The following MMP14 variants were observed in gnomAD, a reference collection of about 807,000 sequenced individuals.
MMP14 encodes the protein matrix metallopeptidase 14, also known as matrix metalloproteinase-14.
Under a neutral mutation model 64.8 loss-of-function variants are expected in MMP14, and 13 were observed. That is an observed-to-expected ratio of 0.20 (90% confidence interval 0.13 to 0.32). MMP14 has a LOEUF of 0.32. Ranked by LOEUF, MMP14 falls within the 10% of genes least tolerant of loss-of-function variation. MMP14 has a pLI of 1.00. For synonymous variants in MMP14, 322 were observed against 315.9 expected (o/e 1.02, Z -0.20); for missense variants, 594 against 783.8 (o/e 0.76, Z 2.89).
Position 22,845,830 on chromosome 14 carries a change from C to T in MMP14, c.1540C>T (p.Pro514Ser). ...GATGGGCTGCCCATCGGGAGGCCGG[C>T]CGGATGAGGGGACTGAGGAGGAGAC... ...DWMGCPSGGRPDEGTEEETEV... is the reference protein window; with the variant it reads ...DWMGCPSGGRSDEGTEEETEV... The change falls in exon 10 of 10, where the codon CCG becomes TCG. Residue 514 changes from proline to serine, a missense_variant. Coordinates refer to ENST00000311852, the MANE Select transcript of MMP14 (RefSeq NM_004995.4). 2 of 1,614,176 alleles carry T rather than the reference C, an allele frequency of 1.2e-6. No individual in the cohort carries two copies. The highest frequency in any genetic ancestry group is 1.7e-6 in the Non-Finnish European group (2 of 1,180,042).
rs756070951 is a variant in MMP14, at chr14:22,844,740, T to C, written c.1261T>C (p.Trp421Arg). Residue 421 changes from tryptophan to arginine, a missense_variant, in exon 8 of 10, where the codon TGG becomes CGG. Transcript: ENST00000311852. ...PTDKIDAALF[W>R]MPNGKTYFFR... Reference sequence around the variant, plus strand: ...CGACAAGATTGATGCTGCTCTCTTCTGGATGCCCAATGGAAAGACCTACTT... The same window carrying C: ...CGACAAGATTGATGCTGCTCTCTTCCGGATGCCCAATGGAAAGACCTACTT... The C allele has an allele frequency of 6.2e-7, 1 of 1,614,116 alleles. No individual in the cohort carries two copies. The highest frequency in any genetic ancestry group is 1.7e-5 in the Admixed American group (1 of 60,008).
Position 22,840,485 on chromosome 14 carries a change from CT to C in MMP14, c.109-1005del, listed in dbSNP as rs17885237. On this transcript the variant is annotated intron_variant, in intron 1 of 9. Coordinates refer to ENST00000311852, the MANE Select transcript of MMP14 (RefSeq NM_004995.4). ...AGTCACCAAGTCTCCTCCTCCACCCCTATGTCCCACTTCCTCTGTTGAGAAT... is the reference window on the plus strand; with the variant it reads ...AGTCACCAAGTCTCCTCCTCCACCCCATGTCCCACTTCCTCTGTTGAGAAT... Among the ~76,000 whole-genome samples the C allele has an allele frequency of 9.7e-3, 1,470 of 152,166 alleles. 22 individuals are homozygous for C. Among genetic ancestry groups the C allele is most frequent in the African/African-American group, 0.033 (1,390 of 41,522 alleles).
In MMP14 at chr14:22,842,266, G is replaced by A. The variant is rs1046322294; in HGVS notation, c.381-144G>A. On this transcript the variant is annotated intron_variant, in intron 3 of 9. Coordinates refer to ENST00000311852, the MANE Select transcript of MMP14 (RefSeq NM_004995.4). The surrounding 1 kb of genome is among the most constrained non-coding windows in gnomAD (Gnocchi z 5.3). ...GATCCCTTGTTCTTGAGACAGAGGC[G>A]TTGCGCATGAGGTAGCAGGAAGAGC... The A allele has an allele frequency of 5.4e-5, 58 of 1,065,678 alleles. No homozygotes were observed. Among genetic ancestry groups the A allele is most frequent in the South Asian group, 9.6e-5 (6 of 62,712 alleles). 66.0% of individuals were successfully genotyped at this position (1,065,678 alleles called of 1,614,324 possible).
Position 22,844,695 on chromosome 14 carries a change from C to G in MMP14, c.1216C>G (p.Leu406Val). 8 of 1,614,092 alleles carry G rather than the reference C, an allele frequency of 5.0e-6. No homozygotes were observed. Among genetic ancestry groups the G allele is most frequent in the Non-Finnish European group, 6.8e-6 (8 of 1,180,006 alleles). ...TGGCTACCCCAAGCACATTAAGGAG[C>G]TGGGCCGAGGGCTGCCTACCGACAA... Reference protein sequence around the residue: ...EPGYPKHIKELGRGLPTDKID... With the variant: ...EPGYPKHIKEVGRGLPTDKID... The change falls in exon 8 of 10, where the codon CTG (leucine) becomes GTG (valine). Residue 406 changes from leucine (L) to valine (V), a missense_variant. By Grantham distance (32) the Leu-to-Val change is conservative. This residue lies in a region of MMP14 where 364 missense variants were observed against 425.2 expected (regional missense o/e 0.86). Coordinates refer to ENST00000311852, the MANE Select transcript of MMP14 (RefSeq NM_004995.4).
At chr14:22,839,166 G>A (rs947107821) in intron 1 of MMP14, among the ~76,000 whole-genome samples, 3 of 152,178 alleles carry the variant, frequency 2.0e-5, no homozygotes, top group Admixed American at 1.3e-4. Flanking sequence ...GGTTGACGGG[G>A]CCTGGCCTCA....
In MMP14 at chr14:22,845,374, G is replaced by C. The variant is rs749398687; in HGVS notation, c.1417+8G>C. 3.8e-6 allele frequency: 6 copies of C among 1,584,066 alleles called. No individual in the cohort carries two copies. In the Admixed American group the frequency reaches 8.6e-5, roughly 23 times the overall value. ...TCATGGGCAGCGATGAAGGTGAGAG[G>C]GGCAAGGGAAGGTGTCGCTGAGAGA... On this transcript the variant is annotated splice_region_variant and intron_variant, in intron 9 of 9. Coordinates refer to ENST00000311852, the MANE Select transcript of MMP14 (RefSeq NM_004995.4).
At position 22,846,237 on chromosome 14, in the gene MMP14, G is replaced by C; in HGVS notation, c.*198G>C. ...CTGCCCCGGCATTGCATCTTCCCTA[G>C]ATAGGTCCCCTGAGGGCTGAGTGGG... is the stretch of plus-strand genomic sequence containing the variant. On this transcript the variant is annotated 3_prime_UTR_variant, in exon 10 of 10. Transcript: ENST00000311852. The C allele has an allele frequency of 3.4e-6, 2 of 587,792 alleles. No individual in the cohort carries two copies. The highest frequency in any genetic ancestry group is 4.5e-4 in the Middle Eastern group (1 of 2,230). 36.4% of individuals were successfully genotyped at this position (587,792 alleles called of 1,614,324 possible).
chr14:22,837,127 T>G (rs1243652969), intron 1 of MMP14: 3 of 688,750 alleles, frequency 4.4e-6, no homozygotes, highest in African/African-American at 3.5e-5. Flanking sequence ...TCCAACCAGC[T>G]GCCCCCACCC....
In MMP14 at chr14:22,843,018, A is replaced by G. The variant is rs2039784550; in HGVS notation, c.689-239A>G. 6.6e-6 allele frequency among the ~76,000 whole-genome samples: 1 copy of G among 152,112 alleles called. No homozygotes were observed. The highest frequency in any genetic ancestry group is 1.9e-4 in the East Asian group (1 of 5,196). On this transcript the variant is annotated intron_variant, in intron 4 of 9. Coordinates refer to ENST00000311852, the MANE Select transcript of MMP14 (RefSeq NM_004995.4). The surrounding 1 kb of genome is among the most constrained non-coding windows in gnomAD (Gnocchi z 4.8). Reference sequence around the variant, plus strand: ...AGAGAGAGCCTTGGCTTCCCTTACCACAGGTCTTCCCGGGATCGGGGTCCT... The same window carrying G: ...AGAGAGAGCCTTGGCTTCCCTTACCGCAGGTCTTCCCGGGATCGGGGTCCT...
intron 1 of MMP14, among the ~76,000 whole-genome samples, chr14:22,839,887 C>A (rs952502426): frequency 2.6e-5 from 4 of 151,824 alleles, no homozygotes; most frequent in Non-Finnish European, 5.9e-5. Context: ...GGGACTAGAG[C>A]TATCTGGGTG....
Position 22,846,677 on chromosome 14 carries a change from A to G in MMP14, c.*638A>G, listed in dbSNP as rs1317449570. On this transcript the variant is annotated 3_prime_UTR_variant, in exon 10 of 10. Transcript: ENST00000311852. The stretch of plus-strand genomic sequence containing the variant: ...TTCCTCGGAGATCTGCCTCTGCCTC[A>G]CCTACCCCAGGGAACTTCCAAGGAA... 1 of 152,184 alleles carries G rather than the reference A, an allele frequency of 6.6e-6. No individual in the cohort carries two copies. The highest frequency in any genetic ancestry group is 1.5e-5 in the Non-Finnish European group (1 of 67,740). The allele number at this position is 152,184 out of a possible 1,614,324, so 9.4% of individuals were successfully genotyped here. A position where few individuals can be genotyped will look rare whatever the true frequency, so the allele number is the denominator to read the frequency against.
rs2039792846 is a variant in MMP14 at position 22,843,975 on chromosome 14, C to T, written c.1011+105C>T. ...CTTTGAGAGGCCAAGGCAGGTGGAT[C>T]ACCTGAGGTCTGGAGTTCGAGAGCA... On this transcript the variant is annotated intron_variant, in intron 6 of 9. Transcript: ENST00000311852. The surrounding 1 kb of genome is among the most constrained non-coding windows in gnomAD (Gnocchi z 4.8). 7.2e-7 allele frequency: 1 copy of T among 1,384,198 alleles called. No homozygotes were observed. Among genetic ancestry groups the T allele is most frequent in the African/African-American group, 1.5e-5 (1 of 68,014 alleles). The allele number at this position is 1,384,198 out of a possible 1,614,324, so 85.7% of individuals were successfully genotyped here.
At position 22,836,741 on chromosome 14, in the gene MMP14, G is replaced by T; in HGVS notation, c.-77G>T. 1 of 802,782 alleles carries T rather than the reference G, an allele frequency of 1.2e-6. No individual in the cohort carries two copies. 49.7% of individuals were successfully genotyped at this position (802,782 alleles called of 1,614,324 possible). A position where few individuals can be genotyped will look rare whatever the true frequency, so the allele number is the denominator to read the frequency against. On this transcript the variant is annotated 5_prime_UTR_variant, in exon 1 of 10. Coordinates refer to ENST00000311852, the MANE Select transcript of MMP14 (RefSeq NM_004995.4). ...CTACCGAAGACAAAGGCGCCCCGAG[G>T]GAGTGGCGGTGCGACCCCAGGGCGT... is the stretch of plus-strand genomic sequence containing the variant.
rs1595015226 is a variant in MMP14 at position 22,843,531 on chromosome 14, C to A, written c.850+113C>A. 2 of 1,421,714 alleles carry A rather than the reference C, an allele frequency of 1.4e-6. No individual in the cohort carries two copies. The highest frequency in any genetic ancestry group is 9.6e-7 in the Non-Finnish European group (1 of 1,044,664). 88.1% of individuals were successfully genotyped at this position (1,421,714 alleles called of 1,614,324 possible). A position where few individuals can be genotyped will look rare whatever the true frequency, so the allele number is the denominator to read the frequency against. On this transcript the variant is annotated intron_variant, in intron 5 of 9. Transcript: ENST00000311852. This position sits in a 1 kb window ranked among gnomAD's most constrained non-coding sequence, Gnocchi z 4.8. ...CTCCGCACCGCCCCCTGCCAACCTG[C>A]CCCTGCCTCTATCAGCTCCACTTTT...
At chr14:22,839,661 G>A (rs1478198085) in intron 1 of MMP14, among the ~76,000 whole-genome samples, 1 of 152,164 alleles carries the variant, frequency 6.6e-6, no homozygotes, top group Non-Finnish European at 1.5e-5. Flanking sequence ...TCCCCAGTCA[G>A]CTGCTCTTGA....
intron 1 of MMP14, among the ~76,000 whole-genome samples, chr14:22,839,231 A>G (rs1170742840): frequency 1.3e-5 from 2 of 152,166 alleles, no homozygotes; most frequent in South Asian, 2.1e-4. Context: ...CAAGTCCTGA[A>G]GCAGCTGCTC....
intron 1 of MMP14, among the ~76,000 whole-genome samples, chr14:22,837,751 G>A (rs1389152206): frequency 6.6e-6 from 1 of 152,192 alleles, no homozygotes. Flanking sequence ...CCCTCACGTC[G>A]GGGCTGGCTC....
At chr14:22,838,050 G>C (rs965667862) in intron 1 of MMP14, among the ~76,000 whole-genome samples, 6 of 152,208 alleles carry the variant, frequency 3.9e-5, no homozygotes, top group Non-Finnish European at 8.8e-5. Context: ...AAAGAATACT[G>C]TCTTCTCTCT....
rs759353850 is a variant in MMP14 at position 22,841,986 on chromosome 14, C to T, written c.331C>T (p.Arg111Cys). 1.2e-6 allele frequency: 2 copies of T among 1,614,228 alleles called. No individual in the cohort carries two copies. Among genetic ancestry groups the T allele is most frequent in the Non-Finnish European group, 1.7e-6 (2 of 1,180,038 alleles). Residue 111 changes from arginine (R) to cysteine (C), a missense_variant, in exon 3 of 10, where the codon CGC becomes TGC. Coordinates refer to ENST00000311852, the MANE Select transcript of MMP14 (RefSeq NM_004995.4). ...GATCAAGGCCAATGTTCGAAGGAAG[C>T]GCTACGCCATCCAGGGTCTCAAATG... ...AEIKANVRRKRYAIQGLKWQH... is the reference protein window; with the variant it reads ...AEIKANVRRKCYAIQGLKWQH...
Sources: gnomAD v4.1 joint callset for allele counts (sites outside exome capture counted in the v4.1 genomes callset) on GRCh38, gnomAD v4.1.1 for gene constraint, gnomAD v4.1.1 regional missense constraint, Gnocchi (gnomAD v3.1) non-coding constraint, MANE v1.5 for transcripts, NCBI Gene and HGNC (gene_info 2026-07-23, HGNC 2026-07-21) for gene names.